CRISPLD2: variants seen among roughly 807,000 people sequenced by gnomAD.
CRISPLD2 encodes cysteine rich secretory protein LCCL domain containing 2.
A neutral mutation model predicts 71.1 loss-of-function variants in CRISPLD2; 47 were observed. The observed-to-expected ratio is 0.66, with a 90% CI of 0.52 to 0.84. CRISPLD2 has a LOEUF of 0.84. Among genes scored for constraint, CRISPLD2 ranks in the 40% least tolerant of loss-of-function variants. CRISPLD2 has a pLI of 0.00. For synonymous variants in CRISPLD2, 317 were observed against 250.1 expected (o/e 1.27, Z -2.52); for missense variants, 830 against 651.1 (o/e 1.27, Z -2.99).
Position 84,856,821 on chromosome 16 carries a change from T to C in CRISPLD2, c.709+1992T>C, listed in dbSNP as rs558159008. Among the ~76,000 whole-genome samples, 39 of 152,338 alleles carry C rather than the reference T, an allele frequency of 2.6e-4. No individual in the cohort carries two copies. The South Asian group carries it at 7.7e-3, about 30-fold the overall frequency. On this transcript the variant is annotated intron_variant, in intron 6 of 14. Transcript: ENST00000262424. Reference sequence around the variant, plus strand: ...GTAAAACCAGTGAATTCCATGAGCATGAGCCCACTGCCACACTTTTTTAGC... The same window carrying C: ...GTAAAACCAGTGAATTCCATGAGCACGAGCCCACTGCCACACTTTTTTAGC...
intron 1 of CRISPLD2, among the ~76,000 whole-genome samples, chr16:84,821,448 G>C (rs569849874): frequency 6.6e-6 from 1 of 152,322 alleles, no homozygotes; most frequent in South Asian, 2.1e-4. Flanking sequence ...CAACACCCCG[G>C]GGAGTAGGCC....
intron 1 of CRISPLD2, among the ~76,000 whole-genome samples, chr16:84,834,521 G>A (rs1248944630): frequency 6.6e-6 from 1 of 152,208 alleles, no homozygotes; most frequent in Non-Finnish European, 1.5e-5. Flanking sequence ...CCAGGTTCCA[G>A]CCAGGACCCT....
chr16:84,906,552 C>A (rs1597491168), intron 14 of CRISPLD2, 36 bp from the exon 15 acceptor site: 3 of 1,608,834 alleles, frequency 1.9e-6, no homozygotes. Context: ...CCCTCCAGAT[C>A]TCTCAGTAAC....
At chr16:84,897,165 C>T (rs575356410) in intron 14 of CRISPLD2, among the ~76,000 whole-genome samples, 7 of 152,194 alleles carry the variant, frequency 4.6e-5, no homozygotes, top group Admixed American at 2.6e-4. Context: ...CTTTCTAGGC[C>T]GGGTGCGGCG....
intron 12 of CRISPLD2, 89 bp from the exon 13 acceptor site, chr16:84,880,420 A>C: frequency 9.6e-7 from 1 of 1,039,028 alleles, no homozygotes; most frequent in Non-Finnish European, 1.4e-6. Context: ...CTACGAACTT[A>C]AATCTTGGAA....
chr16:84,869,159 A>T (rs1050538943), intron 8 of CRISPLD2, among the ~76,000 whole-genome samples: 3 of 152,170 alleles, frequency 2.0e-5, no homozygotes, highest in South Asian at 2.1e-4. Flanking sequence ...CACCAGACAG[A>T]TGGGCCACCG....
intron 14 of CRISPLD2, among the ~76,000 whole-genome samples, chr16:84,901,007 GT>G (rs2071748425): frequency 3.6e-5 from 5 of 138,510 alleles, no homozygotes; most frequent in Admixed American, 7.5e-5. Flanking sequence ...TCATGATGGT[GT>G]CACTGCACAC....
chr16:84,873,818 A>C lies in CRISPLD2; in HGVS notation c.1113-102A>C, dbSNP rs1032426386. On this transcript the variant is annotated intron_variant, in intron 10 of 14. Transcript: ENST00000262424. Reference sequence around the variant, plus strand: ...AAACAAGTAGAAAAGTGTGAAGTCGAGACTGCAAATAAGATAAGTATAGGA... The same window carrying C: ...AAACAAGTAGAAAAGTGTGAAGTCGCGACTGCAAATAAGATAAGTATAGGA... 6 of 1,089,704 alleles carry C rather than the reference A, an allele frequency of 5.5e-6. No individual in the cohort carries two copies. The African/African-American group carries it at 9.6e-5, about 17-fold the overall frequency. 67.5% of individuals were successfully genotyped at this position (1,089,704 alleles called of 1,614,324 possible).
At chr16:84,847,552 G>C (rs1282047361) in intron 3 of CRISPLD2, among the ~76,000 whole-genome samples, 1 of 152,068 alleles carries the variant, frequency 6.6e-6, no homozygotes, top group Non-Finnish European at 1.5e-5. Flanking sequence ...TTGGGAGGCT[G>C]AGGCAGGAGA....
chr16:84,863,420 G>A lies in CRISPLD2; in HGVS notation c.710-3477G>A, dbSNP rs140875595. Among the ~76,000 whole-genome samples, 874 of 152,350 alleles carry A rather than the reference G, an allele frequency of 5.7e-3. 13 individuals are homozygous for A. The highest frequency in any genetic ancestry group is 0.02 in the African/African-American group (846 of 41,574). ...TATTTACCAAGAGCATATCCAGGGT[G>A]CCTGGTAAGGCCTTGACCTCTAACG... On this transcript the variant is annotated intron_variant, in intron 6 of 14. Transcript: ENST00000262424.
At chr16:84,852,023 GGTGGCAGATCAAGGT>G (rs532661344) in intron 5 of CRISPLD2, among the ~76,000 whole-genome samples, 4 of 152,082 alleles carry the variant, frequency 2.6e-5, no homozygotes, top group Non-Finnish European at 4.4e-5. Flanking sequence ...TGGACCAAGG[GGTGGCAGATCAAGGT>G]GTGGCAGATC....
At position 84,850,646 on chromosome 16, in the gene CRISPLD2, GAGA is replaced by G. The variant is rs1478723755; in HGVS notation, c.573_575del (p.Glu191_Asn192delinsAsp). The G allele has an allele frequency of 6.2e-7, 1 of 1,614,162 alleles. No individual in the cohort carries two copies. The highest frequency in any genetic ancestry group is 1.1e-5 in the South Asian group (1 of 91,082). ...GATGACTGTCTGGGGAGAAGTTTGGGAGAACGCGGTCTACTTTGTCTGCAATTA... is the reference window on the plus strand; with the variant it reads ...GATGACTGTCTGGGGAGAAGTTTGGGACGCGGTCTACTTTGTCTGCAATTA... On this transcript the variant is annotated inframe_deletion, in exon 5 of 15. Coordinates refer to ENST00000262424, the MANE Select transcript of CRISPLD2 (RefSeq NM_031476.4).
intron 2 of CRISPLD2, among the ~76,000 whole-genome samples, chr16:84,844,942 CAGAGAGGGTAACT>C (rs1432489058): frequency 1.3e-5 from 2 of 152,172 alleles, no homozygotes; most frequent in African/African-American, 4.8e-5. Flanking sequence ...CAGTGAGGCT[CAGAGAGGGTAACT>C]GCGTGCCTAG....
intron 14 of CRISPLD2, among the ~76,000 whole-genome samples, chr16:84,889,690 C>T (rs952050071): frequency 2.6e-5 from 4 of 151,472 alleles, no homozygotes; most frequent in Non-Finnish European, 5.9e-5. Flanking sequence ...TCATCCATAA[C>T]TCATCAGCTG....
At chr16:84,864,292 A>C (rs1200426494) in intron 6 of CRISPLD2, among the ~76,000 whole-genome samples, 4 of 152,108 alleles carry the variant, frequency 2.6e-5, no homozygotes, top group Non-Finnish European at 4.4e-5. Flanking sequence ...TCTACTTTTC[A>C]TTTGTGGGTG....
At chr16:84,874,610 A>G (rs1597472320) in intron 11 of CRISPLD2, among the ~76,000 whole-genome samples, 1 of 152,366 alleles carries the variant, frequency 6.6e-6, no homozygotes, top group Non-Finnish European at 1.5e-5. Context: ...CTCTGCCGGC[A>G]GACCATGCCT....
chr16:84,891,129 A>T (rs980593002), intron 14 of CRISPLD2, among the ~76,000 whole-genome samples: 3 of 152,346 alleles, frequency 2.0e-5, no homozygotes, highest in African/African-American at 4.8e-5. Context: ...CTTGAGGGTT[A>T]GGACATTAAC....
At chr16:84,826,647 G>A (rs1916359709) in intron 1 of CRISPLD2, among the ~76,000 whole-genome samples, 1 of 151,988 alleles carries the variant, frequency 6.6e-6, no homozygotes, top group South Asian at 2.1e-4. Flanking sequence ...CGAGGCTGGG[G>A]CTGCCCTGGG....
intron 1 of CRISPLD2, among the ~76,000 whole-genome samples, chr16:84,828,753 T>TC (rs1368779941): frequency 6.6e-6 from 1 of 152,140 alleles, no homozygotes; most frequent in African/African-American, 2.4e-5. Flanking sequence ...TCTTTTTTTT[T>TC]CACATAGTGC....
Sources: allele counts gnomAD v4.1 joint callset (sites outside exome capture counted in the v4.1 genomes callset), GRCh38; gene constraint gnomAD v4.1.1; transcripts MANE v1.5; gene names NCBI Gene and HGNC (gene_info 2026-07-23, HGNC 2026-07-21).